CDCP1: variants seen among roughly 807,000 people sequenced by gnomAD.
The protein encoded by CDCP1 is CUB domain-containing protein 1.
A neutral mutation model predicts 60.2 loss-of-function variants in CDCP1; 29 were observed. That is an observed-to-expected ratio of 0.48 (90% CI 0.36 to 0.66). CDCP1 has a LOEUF of 0.66. Among genes scored for constraint, CDCP1 ranks in the 30% least tolerant of loss-of-function variants. The probability of loss-of-function intolerance (pLI) is 0.00; values close to 1 mark genes in which losing one functional copy is unlikely to be tolerated. For missense variants in CDCP1, 876 were observed against 1,074.3 expected (o/e 0.82, Z 2.58); for synonymous variants, 387 against 431.1 (o/e 0.90, Z 1.27).
chr3:45,097,979 C>T (rs777014164), intron 4 of CDCP1, among the ~76,000 whole-genome samples: 10 of 152,116 alleles, frequency 6.6e-5, no homozygotes, highest in Non-Finnish European at 1.2e-4. Context: ...CAGCTCATTT[C>T]TTACTGTCTT....
intron 6 of CDCP1, among the ~76,000 whole-genome samples, chr3:45,092,578 C>T (rs1289118591): frequency 6.6e-6 from 1 of 152,204 alleles, no homozygotes; most frequent in Non-Finnish European, 1.5e-5. Context: ...AAAGATTCTT[C>T]TCCCTCCCAC....
At chr3:45,145,860 T>C (rs1468709282) in intron 1 of CDCP1, among the ~76,000 whole-genome samples, 1 of 152,088 alleles carries the variant, frequency 6.6e-6, no homozygotes, top group African/African-American at 2.4e-5. Flanking sequence ...ACCTTGGACA[T>C]GTCGCCTGGG....
At chr3:45,088,011 A>G (rs1018920547) in intron 8 of CDCP1, among the ~76,000 whole-genome samples, 9 of 139,408 alleles carry the variant, frequency 6.5e-5, no homozygotes, top group South Asian at 5.2e-4. Flanking sequence ...ACAGAGTGAG[A>G]CTCTGTCTTA....
At chr3:45,123,997 T>C (rs1241264309) in intron 1 of CDCP1, among the ~76,000 whole-genome samples, 3 of 152,178 alleles carry the variant, frequency 2.0e-5, no homozygotes, top group Non-Finnish European at 2.9e-5. Context: ...ACAGCTCTTT[T>C]CTTCAGCTCT....
intron 1 of CDCP1, among the ~76,000 whole-genome samples, chr3:45,138,976 A>G (rs1185392182): frequency 1.3e-5 from 2 of 152,194 alleles, no homozygotes; most frequent in Non-Finnish European, 2.9e-5. Flanking sequence ...GCTTCCACTC[A>G]CGGCAGAGGG....
At chr3:45,114,249 G>T (rs1393654211) in intron 2 of CDCP1, among the ~76,000 whole-genome samples, 2 of 152,178 alleles carry the variant, frequency 1.3e-5, no homozygotes, top group Non-Finnish European at 2.9e-5. Context: ...ACAGGTAAGA[G>T]TAGTCAAAAT....
intron 6 of CDCP1, among the ~76,000 whole-genome samples, chr3:45,093,049 T>C (rs1698322848): frequency 6.6e-6 from 1 of 152,222 alleles, no homozygotes. Flanking sequence ...AACCATCGCC[T>C]CTCACTGTCA....
rs2125989946 is a variant in CDCP1, at chr3:45,091,584, A to G, written c.1628-46T>C. 1.3e-6 allele frequency: 2 copies of G among 1,538,388 alleles called. No individual in the cohort carries two copies. Among genetic ancestry groups the G allele is most frequent in the East Asian group, 2.3e-5 (1 of 43,710 alleles). On this transcript the variant is annotated intron_variant, in intron 6 of 8. Coordinates refer to ENST00000296129, the MANE Select transcript of CDCP1 (RefSeq NM_022842.5). The surrounding 1 kb of genome is among the most constrained non-coding windows in gnomAD (Gnocchi z 4.8). ...TCCAGACAGATGTTTCATTCAGTCA[A>G]CATGGAGAGGAAAGGGAGTGGTGGA...
intron 2 of CDCP1, 104 bp from the exon 3 acceptor site, chr3:45,112,549 C>T (rs1267562222): frequency 1.6e-5 from 24 of 1,490,058 alleles, no homozygotes; most frequent in Admixed American, 4.3e-5. Flanking sequence ...TTGGGGCTCC[C>T]CCAAGGTGGC....
chr3:45,133,046 G>A (rs1310185524), intron 1 of CDCP1, among the ~76,000 whole-genome samples: 1 of 152,190 alleles, frequency 6.6e-6, no homozygotes, highest in Non-Finnish European at 1.5e-5. Context: ...AAAAGGAGTC[G>A]ATGTGTGAAA....
chr3:45,119,279 T>C (rs1039742685), intron 1 of CDCP1, among the ~76,000 whole-genome samples: 4 of 151,874 alleles, frequency 2.6e-5, no homozygotes, highest in African/African-American at 4.8e-5. Context: ...GAGGTGGGGG[T>C]TGGTTATTAA....
chr3:45,110,357 T>C, intron 4 of CDCP1, 116 bp downstream of exon 4: 2 of 1,479,360 alleles, frequency 1.4e-6, no homozygotes, highest in East Asian at 2.4e-5. Flanking sequence ...GTCCAGAGTC[T>C]AAGTGTTTCA....
Position 45,131,679 on chromosome 3 carries a change from A to T in CDCP1, c.83-13058T>A, listed in dbSNP as rs185717423. ...ATATATATTCACAGTAATCCCCTGG[A>T]TTACTATGGAAGGGAGGGAGAGAAA... On this transcript the variant is annotated intron_variant, in intron 1 of 8. Transcript: ENST00000296129. 2.0e-5 allele frequency among the ~76,000 whole-genome samples: 3 copies of T among 152,310 alleles called. No homozygotes were observed. The East Asian group carries it at 5.8e-4, about 29-fold the overall frequency.
chr3:45,144,157 G>C (rs1302090105), intron 1 of CDCP1, among the ~76,000 whole-genome samples: 1 of 152,016 alleles, frequency 6.6e-6, no homozygotes, highest in African/African-American at 2.4e-5. Flanking sequence ...ACAAACACAC[G>C]ACACCAAGAC....
In CDCP1 at chr3:45,091,468, C is replaced by A. The variant is rs767086924; in HGVS notation, c.1698G>T (p.Arg566=). 118 of 1,610,620 alleles carry A rather than the reference C, an allele frequency of 7.3e-5. No individual in the cohort carries two copies. Among genetic ancestry groups the A allele is most frequent in the Non-Finnish European group, 9.7e-5 (114 of 1,178,414 alleles). Residue 566 remains arginine (R), a synonymous_variant, in exon 7 of 9, where the codon CGG becomes CGT. Coordinates refer to ENST00000296129, the MANE Select transcript of CDCP1 (RefSeq NM_022842.5). The surrounding 1 kb of genome is among the most constrained non-coding windows in gnomAD (Gnocchi z 4.8). ...ACACAGAGGTGAGGGATGGCAGGCC[C>A]CGGTCCCAGTTGGGGGTCCTCAGGT... The part of the protein sequence containing the change: ...KVYLRTPNWD[R]GLPSLTSVSW...
intron 4 of CDCP1, among the ~76,000 whole-genome samples, chr3:45,108,623 T>G (rs1698612243): frequency 6.6e-6 from 1 of 151,236 alleles, no homozygotes; most frequent in African/African-American, 2.4e-5. Context: ...ACATTCTGAT[T>G]GTACAGTTGT....
intron 1 of CDCP1, among the ~76,000 whole-genome samples, chr3:45,130,208 G>T (rs1699065217): frequency 6.6e-6 from 1 of 151,634 alleles, no homozygotes; most frequent in South Asian, 2.1e-4. Context: ...TGCAGCTTCG[G>T]CCTCCCAGGC....
At chr3:45,129,782 C>T (rs1699056440) in intron 1 of CDCP1, among the ~76,000 whole-genome samples, 2 of 152,164 alleles carry the variant, frequency 1.3e-5, no homozygotes, top group South Asian at 4.1e-4. Flanking sequence ...ATGGTCCAAC[C>T]TTGCCATCAG....
intron 1 of CDCP1, among the ~76,000 whole-genome samples, chr3:45,142,005 T>C (rs72865129): frequency 0.2 from 30,423 of 152,084 alleles, 3,253 homozygotes; most frequent in Middle Eastern, 0.29. Flanking sequence ...CTAATTTTTG[T>C]ATTTTTTAGT....
Sources: gnomAD v4.1 joint callset for allele counts (sites outside exome capture counted in the v4.1 genomes callset) on GRCh38, gnomAD v4.1.1 for gene constraint, Gnocchi (gnomAD v3.1) non-coding constraint, MANE v1.5 for transcripts, NCBI Gene and HGNC (gene_info 2026-07-23, HGNC 2026-07-21) for gene names.